The following AQP4 variants were observed in gnomAD, a reference collection of about 807,000 sequenced individuals.
AQP4 encodes aquaporin 4.
AQP4 carries 18 observed loss-of-function variants against 27.8 expected under a neutral mutation model. The observed-to-expected ratio is 0.65, with a 90% CI of 0.45 to 0.96. The LOEUF (loss-of-function observed/expected upper bound fraction) is 0.96. Ranked by LOEUF, AQP4 falls within the 40% of genes least tolerant of loss-of-function variation. The pLI, the probability that AQP4 is intolerant of heterozygous loss-of-function variation, is 0.00. For missense variants in AQP4, 412 were observed against 408.2 expected, an observed-to-expected ratio of 1.01 and a Z score of -0.08; for synonymous variants, 141 against 142.9, an observed-to-expected ratio of 0.99 and a Z score of 0.10.
chr18:26,862,083 A>G, intron 2 of AQP4, 99 bp downstream of exon 2: 2 of 1,350,992 alleles, frequency 1.5e-6, no homozygotes, highest in Non-Finnish European at 2.1e-6. Context: ...GGAGTAAATT[A>G]GCTATTTTAG....
In AQP4 at chr18:26,854,961, A is replaced by C. The variant is rs1326152639; in HGVS notation, c.*1250T>G. ...TTTAAAAATGTGTTGGGTTAGCTACAATATATCCAGAAATGAAAGATTGTT... is the reference window on the plus strand; with the variant it reads ...TTTAAAAATGTGTTGGGTTAGCTACCATATATCCAGAAATGAAAGATTGTT... On this transcript the variant is annotated 3_prime_UTR_variant, in exon 5 of 5. Transcript: ENST00000383168. 1 of 152,218 alleles carries C rather than the reference A, an allele frequency of 6.6e-6. No homozygotes were observed. Among genetic ancestry groups the C allele is most frequent in the Non-Finnish European group, 1.5e-5 (1 of 68,036 alleles). The allele number at this position is 152,218 out of a possible 1,614,324, so 9.4% of individuals were successfully genotyped here. A position where few individuals can be genotyped will look rare whatever the true frequency, so the allele number is the denominator to read the frequency against.
chr18:26,852,386 A>C lies in AQP4; in HGVS notation c.*3825T>G, dbSNP rs1264451641. The C allele has an allele frequency of 1.3e-5, 2 of 153,804 alleles. No individual in the cohort carries two copies. Among genetic ancestry groups the C allele is most frequent in the Non-Finnish European group, 2.9e-5 (2 of 69,232 alleles). The allele number at this position is 153,804 out of a possible 1,614,324, so 9.5% of individuals were successfully genotyped here. On this transcript the variant is annotated 3_prime_UTR_variant, in exon 5 of 5. Coordinates refer to ENST00000383168, the MANE Select transcript of AQP4 (RefSeq NM_001650.7). ...TGAAGAGAACCTAGAAATACATTCC[A>C]ATGGGTTACATAAATTAGACGTATT...
intron 4 of AQP4, among the ~76,000 whole-genome samples, chr18:26,858,659 G>T (rs1482273974): frequency 6.6e-6 from 1 of 152,154 alleles, no homozygotes; most frequent in Non-Finnish European, 1.5e-5. Context: ...CATTAGACAT[G>T]TACTATTCCA....
At chr18:26,864,184 C>G (rs2055013812) in intron 1 of AQP4, among the ~76,000 whole-genome samples, 1 of 152,128 alleles carries the variant, frequency 6.6e-6, no homozygotes, top group Non-Finnish European at 1.5e-5. Flanking sequence ...GTGGCTTTCC[C>G]TTTGACAAAT....
At position 26,853,194 on chromosome 18, in the gene AQP4, G is replaced by A. The variant is rs1382975626; in HGVS notation, c.*3017C>T. ...TAGCTAGCACCTATGAGCTGCATTA[G>A]GAAAAGGCTCAGATAATAAAAAGAT... On this transcript the variant is annotated 3_prime_UTR_variant, in exon 5 of 5. Transcript: ENST00000383168. 3 of 294,924 alleles carry A rather than the reference G, an allele frequency of 1.0e-5. No individual in the cohort carries two copies. The highest frequency in any genetic ancestry group is 2.1e-5 in the African/African-American group (1 of 46,512). The allele number at this position is 294,924 out of a possible 1,614,324, so 18.3% of individuals were successfully genotyped here.
chr18:26,859,318 G>A (rs1228473787), intron 4 of AQP4, among the ~76,000 whole-genome samples: 5 of 152,140 alleles, frequency 3.3e-5, no homozygotes, highest in Non-Finnish European at 7.4e-5. Context: ...TCAGGAGTTC[G>A]AGACTAGCCT....
rs769448525 is a variant in AQP4, at chr18:26,865,706, G to A, written c.-17C>T. The stretch of plus-strand genomic sequence containing the variant: ...GTCACTCATGCCTTCCCCAGCCAGA[G>A]TGCAGCTCTCATTGCCTGCCCCGCA... On this transcript the variant is annotated 5_prime_UTR_variant, in exon 1 of 5. Transcript: ENST00000383168. The A allele has an allele frequency of 4.3e-6, 7 of 1,614,092 alleles. No individual in the cohort carries two copies. Among genetic ancestry groups the A allele is most frequent in the Non-Finnish European group, 5.9e-6 (7 of 1,180,056 alleles).
Position 26,853,179 on chromosome 18 carries a change from C to T in AQP4, c.*3032G>A, listed in dbSNP as rs1403237799. ...ACTGAGCAGCAGCTCTAGCTAGCACCTATGAGCTGCATTAGGAAAAGGCTC... is the reference window on the plus strand; with the variant it reads ...ACTGAGCAGCAGCTCTAGCTAGCACTTATGAGCTGCATTAGGAAAAGGCTC... On this transcript the variant is annotated 3_prime_UTR_variant, in exon 5 of 5. Transcript: ENST00000383168. The T allele has an allele frequency of 4.7e-5, 15 of 320,118 alleles. No homozygotes were observed. The highest frequency in any genetic ancestry group is 1.7e-5 in the Non-Finnish European group (3 of 177,106). 19.8% of individuals were successfully genotyped at this position (320,118 alleles called of 1,614,324 possible). A position where few individuals can be genotyped will look rare whatever the true frequency, so the allele number is the denominator to read the frequency against.
Position 26,856,192 on chromosome 18 carries a change from T to C in AQP4, c.*19A>G, listed in dbSNP as rs761617334. On this transcript the variant is annotated 3_prime_UTR_variant, in exon 5 of 5. Coordinates refer to ENST00000383168, the MANE Select transcript of AQP4 (RefSeq NM_001650.7). The stretch of plus-strand genomic sequence containing the variant: ...GACAGTTCTAAGGAGTCTTGTCTGC[T>C]TTCAGTGCGATCTTCTAGTCATACT... 1.5e-5 allele frequency: 24 copies of C among 1,613,944 alleles called. No homozygotes were observed. The highest frequency in any genetic ancestry group is 1.9e-5 in the Non-Finnish European group (23 of 1,179,904).
chr18:26,856,490 C>A lies in AQP4; in HGVS notation c.694-1G>T, dbSNP rs557475216. ...CTATGATGGGCCCAACCCAATATAT[C>A]TAAGGAAAAGATGGAAGAGGATAGA... is the stretch of plus-strand genomic sequence containing the variant. On this transcript the variant is annotated splice_acceptor_variant, in intron 4 of 4. Coordinates refer to ENST00000383168, the MANE Select transcript of AQP4 (RefSeq NM_001650.7). LOFTEE classifies it high-confidence loss of function. 2.5e-6 allele frequency: 4 copies of A among 1,614,056 alleles called. No homozygotes were observed. The highest frequency in any genetic ancestry group is 3.4e-6 in the Non-Finnish European group (4 of 1,179,970).
Position 26,861,303 on chromosome 18 carries a change from A to G in AQP4, c.448-8T>C. ...GGTAAGATTTCCATGAACCTAGAGA[A>G]AGAAAAATATTCCATCAGAATTGAA... is the stretch of plus-strand genomic sequence containing the variant. On this transcript the variant is annotated splice_polypyrimidine_tract_variant and splice_region_variant and intron_variant, in intron 2 of 4. Coordinates refer to ENST00000383168, the MANE Select transcript of AQP4 (RefSeq NM_001650.7). The G allele has an allele frequency of 6.2e-7, 1 of 1,612,922 alleles. No homozygotes were observed.
At position 26,852,757 on chromosome 18, in the gene AQP4, T is replaced by C. The variant is rs1280739487; in HGVS notation, c.*3454A>G. 6 of 398,306 alleles carry C rather than the reference T, an allele frequency of 1.5e-5. No homozygotes were observed. The highest frequency in any genetic ancestry group is 1.3e-5 in the Non-Finnish European group (3 of 225,912). The allele number at this position is 398,306 out of a possible 1,614,324, so 24.7% of individuals were successfully genotyped here. On this transcript the variant is annotated 3_prime_UTR_variant, in exon 5 of 5. Coordinates refer to ENST00000383168, the MANE Select transcript of AQP4 (RefSeq NM_001650.7). ...AACACTTTAGGAAAGACAGAATTAC[T>C]TTTAGGTATAAAATGTTCTGAATTT...
At chr18:26,861,651 T>C (rs2054946200) in intron 2 of AQP4, among the ~76,000 whole-genome samples, 1 of 152,190 alleles carries the variant, frequency 6.6e-6, no homozygotes, top group Non-Finnish European at 1.5e-5. Context: ...ATTAATTAGG[T>C]TTAAATTAAT....
intron 4 of AQP4, among the ~76,000 whole-genome samples, chr18:26,857,520 G>A (rs2144953810): frequency 6.6e-6 from 1 of 152,094 alleles, no homozygotes; most frequent in East Asian, 1.9e-4. Context: ...TAGAGATGGG[G>A]TTTCACTGTG....
At position 26,852,974 on chromosome 18, in the gene AQP4, T is replaced by G. The variant is rs78139852; in HGVS notation, c.*3237A>C. ...GATTCATCTTACCATTTGAATTTAC[T>G]GCTCTAGTTTGGAATTTTCCTGTCA... On this transcript the variant is annotated 3_prime_UTR_variant, in exon 5 of 5. Transcript: ENST00000383168. The G allele has an allele frequency of 5.4e-4, 216 of 398,276 alleles. 1 individual carries two copies. Among genetic ancestry groups the G allele is most frequent in the African/African-American group, 4.2e-3 (204 of 48,762 alleles). 24.7% of individuals were successfully genotyped at this position (398,276 alleles called of 1,614,324 possible).
chr18:26,861,003 A>G, intron 3 of AQP4, 128 bp downstream of exon 3: 2 of 1,412,944 alleles, frequency 1.4e-6, no homozygotes, highest in East Asian at 4.6e-5. Context: ...TGGAAAAATT[A>G]TAACCTAAAA....
In AQP4 at chr18:26,854,184, A is replaced by G. The variant is rs1382530953; in HGVS notation, c.*2027T>C. ...AGTGAGTGTATATGAAATAAACCATATGGCAGAATAAAAATGATTATAAGC... is the reference window on the plus strand; with the variant it reads ...AGTGAGTGTATATGAAATAAACCATGTGGCAGAATAAAAATGATTATAAGC... On this transcript the variant is annotated 3_prime_UTR_variant, in exon 5 of 5. Transcript: ENST00000383168. 1.3e-5 allele frequency: 2 copies of G among 152,226 alleles called. No homozygotes were observed. The highest frequency in any genetic ancestry group is 2.9e-5 in the Non-Finnish European group (2 of 68,044). 9.4% of individuals were successfully genotyped at this position (152,226 alleles called of 1,614,324 possible).
Position 26,860,793 on chromosome 18 carries a change from C to T in AQP4, c.672G>A (p.Met224Ile). The T allele has an allele frequency of 6.2e-7, 1 of 1,613,992 alleles. No individual in the cohort carries two copies. The highest frequency in any genetic ancestry group is 8.5e-7 in the Non-Finnish European group (1 of 1,179,904). ...PARSFGPAVIMGNWENHWIYW... is the reference protein window; with the variant it reads ...PARSFGPAVIIGNWENHWIYW... ...TTACCCAATGGTTTTCCCAATTTCC[C>T]ATGATAACTGCAGGTCCAAAGGATC... The change falls in exon 4 of 5, where the codon ATG (methionine) becomes ATA (isoleucine). Residue 224 changes from methionine (M) to isoleucine (I), a missense_variant. By Grantham distance (10) the Met-to-Ile change is conservative. Coordinates refer to ENST00000383168, the MANE Select transcript of AQP4 (RefSeq NM_001650.7).
chr18:26,860,818 C>T lies in AQP4; in HGVS notation c.647G>A (p.Arg216Gln), dbSNP rs777406434. 1.3e-5 allele frequency: 21 copies of T among 1,613,878 alleles called. No homozygotes were observed. Among genetic ancestry groups the T allele is most frequent in the Admixed American group, 1.7e-5 (1 of 60,002 alleles). ...NYTGASMNPA[R>Q]SFGPAVIMGN... is the part of the protein sequence containing the mutation. ...CATGATAACTGCAGGTCCAAAGGAT[C>T]GGGCGGGATTCATGCTGGCACCAGT... Residue 216 changes from arginine to glutamine, a missense_variant, in exon 4 of 5, where the codon CGA becomes CAA. By Grantham distance (43) the Arg-to-Gln change is conservative (BLOSUM62 1). Transcript: ENST00000383168.
Sources: allele counts gnomAD v4.1 joint callset (sites outside exome capture counted in the v4.1 genomes callset), GRCh38; gene constraint gnomAD v4.1.1; transcripts MANE v1.5; gene names NCBI Gene and HGNC (gene_info 2026-07-23, HGNC 2026-07-21).